ATRNL1: variants seen among roughly 807,000 people sequenced by gnomAD.
ATRNL1 encodes attractin-like protein 1.
In ATRNL1, 95 loss-of-function variants were observed where a neutral mutation model predicts 182.7. The ratio of observed to expected loss-of-function variants is 0.52; its 90% CI spans 0.44 to 0.62. The LOEUF (loss-of-function observed/expected upper bound fraction) is 0.62, where lower values mean the gene tolerates loss of function less well. Ranked by LOEUF, ATRNL1 falls within the 20% of genes least tolerant of loss-of-function variation. The pLI is 0.00. For missense variants in ATRNL1, 1,471 were observed against 1,679.5 expected (o/e 0.88, Z 2.17); for synonymous variants, 576 against 568.3 (o/e 1.01, Z -0.19).
At chr10:115,536,740 A>G (rs1852043034) in intron 25 of ATRNL1, among the ~76,000 whole-genome samples, 1 of 152,212 alleles carries the variant, frequency 6.6e-6, no homozygotes, top group Non-Finnish European at 1.5e-5. Context: ...AGCTGTTCCT[A>G]TTCAGCCATC....
chr10:115,947,227 A>G lies in ATRNL1; in HGVS notation c.*2448A>G, dbSNP rs1953895373. The G allele has an allele frequency of 6.6e-6, 1 of 152,612 alleles. No individual in the cohort carries two copies. The highest frequency in any genetic ancestry group is 6.5e-5 in the Admixed American group (1 of 15,278). The allele number at this position is 152,612 out of a possible 1,614,324, so 9.5% of individuals were successfully genotyped here. ...TGAATCTGTTGGTTTTTCCCCCTAC[A>G]TTCCAGACACTTTAAATTTGGATGC... On this transcript the variant is annotated 3_prime_UTR_variant, in exon 29 of 29. Transcript: ENST00000355044.
chr10:115,412,850 TTAA>T (rs1238671327), intron 20 of ATRNL1, among the ~76,000 whole-genome samples: 7 of 152,336 alleles, frequency 4.6e-5, no homozygotes, highest in South Asian at 2.1e-4. Flanking sequence ...CAAAATTGCC[TTAA>T]TAAGGTATTT....
chr10:115,744,505 A>G (rs1280865617), intron 27 of ATRNL1, among the ~76,000 whole-genome samples: 1 of 152,134 alleles, frequency 6.6e-6, no homozygotes, highest in Non-Finnish European at 1.5e-5. Flanking sequence ...ATGTGTTACA[A>G]TAACATGCAA....
intron 26 of ATRNL1, among the ~76,000 whole-genome samples, chr10:115,578,173 G>A (rs1448905597): frequency 1.3e-5 from 2 of 151,776 alleles, no homozygotes; most frequent in African/African-American, 2.4e-5. Flanking sequence ...TGTTGAAGAT[G>A]TTTGCATGTA....
At chr10:115,117,710 T>C (rs1844553261) in intron 1 of ATRNL1, among the ~76,000 whole-genome samples, 1 of 152,158 alleles carries the variant, frequency 6.6e-6, no homozygotes. Flanking sequence ...CTTTTGGGTA[T>C]ATACCCAACA....
intron 1 of ATRNL1, among the ~76,000 whole-genome samples, chr10:115,095,660 A>G (rs1554862931): frequency 1.3e-5 from 2 of 152,202 alleles, no homozygotes; most frequent in Admixed American, 1.3e-4. Flanking sequence ...AAGTGTTTCA[A>G]GATGAGGAAA....
intron 26 of ATRNL1, among the ~76,000 whole-genome samples, chr10:115,631,639 A>G (rs959031889): frequency 3.3e-5 from 5 of 152,110 alleles, no homozygotes; most frequent in Admixed American, 3.3e-4. Context: ...ATGTGTTGAT[A>G]CCACACCTTG....
At chr10:115,457,059 T>C (rs1554968873) in intron 21 of ATRNL1, among the ~76,000 whole-genome samples, 2 of 152,150 alleles carry the variant, frequency 1.3e-5, no homozygotes, top group African/African-American at 4.8e-5. Flanking sequence ...GTCTTTTGTT[T>C]CCACCACCCA....
chr10:115,311,947 T>C (rs1380999521), intron 17 of ATRNL1, among the ~76,000 whole-genome samples: 1 of 152,094 alleles, frequency 6.6e-6, no homozygotes, highest in Non-Finnish European at 1.5e-5. Context: ...TTGGTTTCCA[T>C]TGGCATTGAA....
chr10:115,743,177 A>G (rs1009270182), intron 27 of ATRNL1, among the ~76,000 whole-genome samples: 62 of 151,566 alleles, frequency 4.1e-4, no homozygotes, highest in African/African-American at 1.4e-3. Flanking sequence ...GGGAACTACA[A>G]TTCAAGATGA....
chr10:115,298,046 A>G (rs1015865386), intron 15 of ATRNL1, among the ~76,000 whole-genome samples: 2 of 152,134 alleles, frequency 1.3e-5, no homozygotes, highest in Admixed American at 6.5e-5. Context: ...TAAATGAAGA[A>G]TGTTTTGGTT....
chr10:115,107,891 C>CAAGTGCAGTGAATGCTG (rs1844086438), intron 1 of ATRNL1, among the ~76,000 whole-genome samples: 1 of 152,130 alleles, frequency 6.6e-6, no homozygotes, highest in East Asian at 1.9e-4. Flanking sequence ...TGAGGCAGCA[C>CAAGTGCAGTGAATGCTG]AGGGCAGTGA....
At chr10:115,796,521 AT>A (rs1311777276) in intron 27 of ATRNL1, among the ~76,000 whole-genome samples, 1 of 152,066 alleles carries the variant, frequency 6.6e-6, no homozygotes, top group Non-Finnish European at 1.5e-5. Context: ...AAGGAACCAC[AT>A]TTTTTCCATC....
chr10:115,324,019 TGCCC>T (rs1854737167), intron 18 of ATRNL1, among the ~76,000 whole-genome samples: 1 of 152,012 alleles, frequency 6.6e-6, no homozygotes, highest in African/African-American at 2.4e-5. Flanking sequence ...CCTCGTGATC[TGCCC>T]GCCTTGGCCT....
chr10:115,223,929 A>ATATATTTTTTT (rs1420143943), intron 9 of ATRNL1, among the ~76,000 whole-genome samples: 481 of 44,724 alleles, frequency 0.011, 21 homozygotes, highest in Middle Eastern at 0.017. Flanking sequence ...ATATATATAT[A>ATATATTTTTTT]TTTTTTTTTT....
chr10:115,431,908 G>A (rs1334081084), intron 21 of ATRNL1, among the ~76,000 whole-genome samples: 1 of 151,866 alleles, frequency 6.6e-6, no homozygotes, highest in African/African-American at 2.4e-5. Context: ...TGCCAAAGGA[G>A]TAACTAGTTA....
chr10:115,560,063 A>G (rs1853603876), intron 26 of ATRNL1, among the ~76,000 whole-genome samples: 1 of 152,236 alleles, frequency 6.6e-6, no homozygotes, highest in Non-Finnish European at 1.5e-5. Flanking sequence ...GCAATATAAA[A>G]ATCAGTTGTA....
intron 28 of ATRNL1, among the ~76,000 whole-genome samples, chr10:115,924,133 A>G (rs1027906932): frequency 5.9e-5 from 9 of 152,182 alleles, no homozygotes; most frequent in Admixed American, 3.3e-4. Context: ...AGTTCCTTGT[A>G]AAATCTGGAT....
intron 19 of ATRNL1, among the ~76,000 whole-genome samples, chr10:115,376,781 C>T (rs1197438227): frequency 6.6e-6 from 1 of 152,144 alleles, no homozygotes; most frequent in Non-Finnish European, 1.5e-5. Context: ...GGGAAGTTTT[C>T]AGCCAGTATT....
Sources: allele counts gnomAD v4.1 joint callset (sites outside exome capture counted in the v4.1 genomes callset), GRCh38; gene constraint gnomAD v4.1.1; transcripts MANE v1.5; gene names NCBI Gene and HGNC (gene_info 2026-07-23, HGNC 2026-07-21).